Variants in RASEF observed in about 807,000 individuals in gnomAD.
RASEF encodes RAS and EF-hand domain containing.
Under a neutral mutation model 90.1 loss-of-function variants are expected in RASEF, and 68 were observed. That is an observed-to-expected ratio of 0.75 (90% CI 0.62 to 0.92). The LOEUF (loss-of-function observed/expected upper bound fraction) is 0.92. Ranked by LOEUF, RASEF falls within the 40% of genes least tolerant of loss-of-function variation. The pLI is 0.00. For missense variants in RASEF, 949 were observed against 937.2 expected (o/e 1.01, Z -0.16); for synonymous variants, 331 against 345.2 (o/e 0.96, Z 0.46).
At chr9:83,169,347 C>T in the RASEF span, among the ~76,000 whole-genome samples, 3 of 77,358 alleles carry the variant, frequency 3.9e-5, no homozygotes, top group African/African-American at 1.5e-4. Flanking sequence ...ATACTGATTT[C>T]CATACACACA....
chr9:83,084,822 GATC>G, the RASEF span, among the ~76,000 whole-genome samples: 3,541 of 152,138 alleles, frequency 0.023, 57 homozygotes, highest in Non-Finnish European at 0.038. Context: ...CAAATTAAAG[GATC>G]ATTATCTTGA....
the RASEF span, among the ~76,000 whole-genome samples, chr9:83,069,702 T>A: frequency 7.2e-5 from 11 of 152,190 alleles, no homozygotes; most frequent in African/African-American, 2.7e-4. Context: ...GATTGCTGGG[T>A]CATATGGTAG....
At chr9:83,088,254 T>C in the RASEF span, among the ~76,000 whole-genome samples, 2 of 152,046 alleles carry the variant, frequency 1.3e-5, no homozygotes, top group East Asian at 3.8e-4. Flanking sequence ...TCGATGTAGA[T>C]ATCTATATAT....
chr9:83,164,373 A>ATATATATATATATATATATATATGTG, the RASEF span, among the ~76,000 whole-genome samples: 1 of 141,976 alleles, frequency 7.0e-6, no homozygotes, highest in Non-Finnish European at 1.5e-5. Context: ...ATATATATAT[A>ATATATATATATATATATATATATGTG]TGTGTGTGTG....
intron 16 of RASEF, among the ~76,000 whole-genome samples, chr9:82,985,169 G>T (rs1828688318): frequency 6.6e-6 from 1 of 152,138 alleles, no homozygotes; most frequent in Non-Finnish European, 1.5e-5. Context: ...TTTTCACGCT[G>T]CTGATAAAAA....
intron 2 of RASEF, among the ~76,000 whole-genome samples, chr9:83,023,547 T>A (rs1047304078): frequency 1.1e-4 from 16 of 152,238 alleles, no homozygotes; most frequent in African/African-American, 3.9e-4. Flanking sequence ...GGAAGTATTA[T>A]GGGAGGAAAA....
chr9:83,018,053 TG>T (rs1374105010), intron 3 of RASEF, among the ~76,000 whole-genome samples: 1 of 152,198 alleles, frequency 6.6e-6, no homozygotes, highest in African/African-American at 2.4e-5. Flanking sequence ...GGGACTCTAC[TG>T]CATTTATAAA....
chr9:83,017,511 G>A (rs1405956478), intron 3 of RASEF, among the ~76,000 whole-genome samples: 1 of 144,128 alleles, frequency 6.9e-6, no homozygotes, highest in Non-Finnish European at 1.5e-5. Context: ...AAAAAAAAAA[G>A]AAGTACTTTA....
the RASEF span, among the ~76,000 whole-genome samples, chr9:83,188,861 A>G: frequency 1.3e-5 from 2 of 152,158 alleles, no homozygotes; most frequent in Non-Finnish European, 1.5e-5. Flanking sequence ...CCACAGCTCA[A>G]GGTCTTCCAT....
At chr9:83,043,402 G>GGA (rs1034041122) in intron 1 of RASEF, among the ~76,000 whole-genome samples, 1 of 151,388 alleles carries the variant, frequency 6.6e-6, no homozygotes, top group Non-Finnish European at 1.5e-5. Context: ...GTGATTGGGG[G>GGA]GGGGGACCCT....
the RASEF span, among the ~76,000 whole-genome samples, chr9:83,210,672 T>TA: frequency 5.3e-5 from 8 of 152,270 alleles, no homozygotes; most frequent in African/African-American, 1.9e-4. Context: ...TCATGCTTAT[T>TA]ATATTGGTCA....
At chr9:83,153,500 C>T in the RASEF span, among the ~76,000 whole-genome samples, 1 of 152,206 alleles carries the variant, frequency 6.6e-6, no homozygotes, top group East Asian at 1.9e-4. Context: ...AAAAGATCTA[C>T]ATCAATAGAA....
At chr9:83,073,219 T>C in the RASEF span, among the ~76,000 whole-genome samples, 1 of 152,108 alleles carries the variant, frequency 6.6e-6, no homozygotes, top group South Asian at 2.1e-4. Flanking sequence ...CAGAGAGCCA[T>C]AGGTGCCTGG....
chr9:83,044,542 GA>G (rs1270604861), intron 1 of RASEF, among the ~76,000 whole-genome samples: 1 of 152,116 alleles, frequency 6.6e-6, no homozygotes, highest in Non-Finnish European at 1.5e-5. Flanking sequence ...AGTTGACATA[GA>G]AATTTGGTAC....
the RASEF span, among the ~76,000 whole-genome samples, chr9:83,079,193 T>C: frequency 1.3e-5 from 2 of 152,226 alleles, no homozygotes; most frequent in African/African-American, 4.8e-5. Flanking sequence ...AGGTTTTACA[T>C]TTAAGTCTTT....
chr9:83,041,227 G>A (rs1378923495), intron 1 of RASEF, among the ~76,000 whole-genome samples: 3 of 152,144 alleles, frequency 2.0e-5, no homozygotes, highest in Non-Finnish European at 4.4e-5. Context: ...ATGTAATTAA[G>A]CATGAAATTA....
At chr9:83,039,479 A>C (rs1209053195) in intron 1 of RASEF, among the ~76,000 whole-genome samples, 3 of 152,222 alleles carry the variant, frequency 2.0e-5, no homozygotes, top group Non-Finnish European at 4.4e-5. Flanking sequence ...CGACAGGCTC[A>C]GAACTCTGAC....
intron 14 of RASEF, among the ~76,000 whole-genome samples, chr9:82,993,556 A>G (rs1377440034): frequency 6.6e-6 from 1 of 152,224 alleles, no homozygotes; most frequent in African/African-American, 2.4e-5. Context: ...TAATTTTTCA[A>G]CTATAATGAA....
chr9:83,200,257 G>C, the RASEF span, among the ~76,000 whole-genome samples: 1 of 152,050 alleles, frequency 6.6e-6, no homozygotes, highest in Non-Finnish European at 1.5e-5. Flanking sequence ...TTAGCCAGGT[G>C]TAGTGGCGGT....
Sources: allele counts gnomAD v4.1 joint callset (sites outside exome capture counted in the v4.1 genomes callset), GRCh38; gene constraint gnomAD v4.1.1; transcripts MANE v1.5; gene names NCBI Gene and HGNC (gene_info 2026-07-23, HGNC 2026-07-21).